KIF13A: variants seen among roughly 807,000 people sequenced by gnomAD.
KIF13A encodes kinesin-like protein KIF13A.
KIF13A carries 79 observed loss-of-function variants against 212.2 expected under a neutral mutation model. The ratio of observed to expected loss-of-function variants is 0.37; its 90% CI spans 0.31 to 0.45. The LOEUF is 0.45. Among genes scored for constraint, KIF13A ranks in the 20% least tolerant of loss-of-function variants. The probability of loss-of-function intolerance (pLI) is 1.00; values close to 1 mark genes in which losing one functional copy is unlikely to be tolerated. For missense variants in KIF13A, 1,901 were observed against 2,209.0 expected (o/e 0.86, Z 2.79); for synonymous variants, 789 against 808.6 (o/e 0.98, Z 0.41).
intron 3 of KIF13A, among the ~76,000 whole-genome samples, chr6:17,881,248 C>T (rs1269266938): frequency 6.6e-6 from 1 of 152,128 alleles, no homozygotes; most frequent in African/African-American, 2.4e-5. Flanking sequence ...AAAATGTTAG[C>T]TTTGCATTTT....
chr6:17,888,588 C>T lies in KIF13A; in HGVS notation c.159+9580G>A, dbSNP rs956967385. 2.0e-5 allele frequency among the ~76,000 whole-genome samples: 3 copies of T among 152,206 alleles called. No homozygotes were observed. The highest frequency in any genetic ancestry group is 7.2e-5 in the African/African-American group (3 of 41,450). On this transcript the variant is annotated intron_variant, in intron 3 of 38. Transcript: ENST00000259711. The surrounding 1 kb of genome is among the most constrained non-coding windows in gnomAD (Gnocchi z 4.8). ...CCTGTAATCCCAGCACTTTGGGAGGCCAAAGCGGGCAGATCACTTGAGGCC... is the reference window on the plus strand; with the variant it reads ...CCTGTAATCCCAGCACTTTGGGAGGTCAAAGCGGGCAGATCACTTGAGGCC...
At chr6:17,889,544 TTA>T (rs1218100902) in intron 3 of KIF13A, among the ~76,000 whole-genome samples, 3 of 152,224 alleles carry the variant, frequency 2.0e-5, no homozygotes, top group Non-Finnish European at 4.4e-5. Context: ...TTTCAGTTAT[TTA>T]TATGTTTTCC....
rs142101217 is a variant in KIF13A, at chr6:17,872,058, G to A, written c.220+1319C>T. On this transcript the variant is annotated intron_variant, in intron 4 of 38. Transcript: ENST00000259711. This position sits in a 1 kb window ranked among gnomAD's most constrained non-coding sequence, Gnocchi z 4.7. ...ACAAATTAATTACAACCAACATTAT[G>A]AACTACTTACTCACTTTAATAAAAT... Among the ~76,000 whole-genome samples, 1 of 152,206 alleles carries A rather than the reference G, an allele frequency of 6.6e-6. No individual in the cohort carries two copies. Among genetic ancestry groups the A allele is most frequent in the East Asian group, 1.9e-4 (1 of 5,176 alleles).
intron 18 of KIF13A, 47 bp from the exon 19 acceptor site, chr6:17,805,662 T>A (rs1450682838): frequency 5.2e-6 from 8 of 1,533,730 alleles, no homozygotes; most frequent in Non-Finnish European, 7.1e-6. Flanking sequence ...AACTCCTTTT[T>A]CGATTGCTAA....
rs1763255427 is a variant in KIF13A, at chr6:17,809,544, C to T, written c.2001-614G>A. ...CCATAGTTAGAACTTTTCATTTTTA[C>T]TCGTATAATTATTTGTTTAATATCT... is the stretch of plus-strand genomic sequence containing the variant. On this transcript the variant is annotated intron_variant, in intron 17 of 38. Coordinates refer to ENST00000259711, the MANE Select transcript of KIF13A (RefSeq NM_022113.6). The surrounding 1 kb of genome is among the most constrained non-coding windows in gnomAD (Gnocchi z 4.7). 6.6e-6 allele frequency among the ~76,000 whole-genome samples: 1 copy of T among 152,178 alleles called. No homozygotes were observed. Among genetic ancestry groups the T allele is most frequent in the Non-Finnish European group, 1.5e-5 (1 of 68,030 alleles).
intron 9 of KIF13A, among the ~76,000 whole-genome samples, chr6:17,845,234 C>T (rs1562047504): frequency 6.6e-6 from 1 of 152,138 alleles, no homozygotes. Context: ...CAATTAACTT[C>T]CATTGAGTCC....
intron 20 of KIF13A, among the ~76,000 whole-genome samples, chr6:17,802,924 T>TG (rs869077836): frequency 4.3e-5 from 2 of 46,362 alleles, no homozygotes; most frequent in Admixed American, 3.3e-4. Context: ...TTTTTTTGTG[T>TG]TTTTTTTGTT....
intron 9 of KIF13A, among the ~76,000 whole-genome samples, chr6:17,848,762 G>A (rs1767342970): frequency 6.6e-6 from 1 of 151,678 alleles, no homozygotes; most frequent in Non-Finnish European, 1.5e-5. Context: ...AGGGGGTAGA[G>A]ATGGGTACAA....
At position 17,984,752 on chromosome 6, in the gene KIF13A, T is replaced by A. The variant is rs1378348178; in HGVS notation, c.146+2302A>T. ...TCTCAATTTGACACAGGTTTGCCAA[T>A]ATGCATTTAAAGACCTCTTACACTT... On this transcript the variant is annotated intron_variant, in intron 2 of 38. Transcript: ENST00000259711. This position sits in a 1 kb window ranked among gnomAD's most constrained non-coding sequence, Gnocchi z 5.0. Among the ~76,000 whole-genome samples, 1 of 152,212 alleles carries A rather than the reference T, an allele frequency of 6.6e-6. No homozygotes were observed. Among genetic ancestry groups the A allele is most frequent in the Non-Finnish European group, 1.5e-5 (1 of 68,034 alleles).
intron 4 of KIF13A, among the ~76,000 whole-genome samples, chr6:17,869,892 G>A (rs1192993636): frequency 6.6e-6 from 1 of 152,080 alleles, no homozygotes; most frequent in Non-Finnish European, 1.5e-5. Flanking sequence ...ATTATTCATC[G>A]AGCCTGACAA....
intron 19 of KIF13A, among the ~76,000 whole-genome samples, chr6:17,805,086 G>T (rs1389705349): frequency 2.6e-5 from 4 of 151,976 alleles, no homozygotes; most frequent in Non-Finnish European, 2.9e-5. Flanking sequence ...CACAGCTAGG[G>T]GTGCGTGAAC....
At position 17,967,528 on chromosome 6, in the gene KIF13A, G is replaced by A. The variant is rs1237409491; in HGVS notation, c.146+19526C>T. Among the ~76,000 whole-genome samples the A allele has an allele frequency of 6.6e-6, 1 of 152,240 alleles. No individual in the cohort carries two copies. The highest frequency in any genetic ancestry group is 1.9e-4 in the East Asian group (1 of 5,204). On this transcript the variant is annotated intron_variant, in intron 2 of 38. Transcript: ENST00000259711. The surrounding 1 kb of genome is among the most constrained non-coding windows in gnomAD (Gnocchi z 4.1). ...TGGAAAACTAAACTTCTCTAGGGCAGAGAAAACTATCCGAAGTCTTTCTGG... is the reference window on the plus strand; with the variant it reads ...TGGAAAACTAAACTTCTCTAGGGCAAAGAAAACTATCCGAAGTCTTTCTGG...
Position 17,873,431 on chromosome 6 carries a change from C to T in KIF13A, c.166G>A (p.Ala56Thr), listed in dbSNP as rs376963344. ...QGERKPPKVF[A>T]FDYCFWSMDE... ...ATGGACCAAAAGCAATAATCAAAGG[C>T]AAATACCTGAATGAAAGAACAAAAT... The change falls in exon 4 of 39, where the codon GCC becomes ACC. Residue 56 changes from alanine (A) to threonine (T), a missense_variant. Transcript: ENST00000259711. 2 of 1,580,842 alleles carry T rather than the reference C, an allele frequency of 1.3e-6. No individual in the cohort carries two copies. The highest frequency in any genetic ancestry group is 1.7e-6 in the Non-Finnish European group (2 of 1,161,108).
chr6:17,874,993 G>GCACATGCA (rs1224756285), intron 3 of KIF13A, among the ~76,000 whole-genome samples: 5 of 51,434 alleles, frequency 9.7e-5, no homozygotes, highest in East Asian at 6.5e-4. Flanking sequence ...ACACACACAC[G>GCACATGCA]CACACGCACG....
chr6:17,863,843 C>A (rs781685278), intron 4 of KIF13A, among the ~76,000 whole-genome samples: 2 of 152,052 alleles, frequency 1.3e-5, no homozygotes, highest in African/African-American at 4.8e-5. Context: ...TTTTTAAACA[C>A]AACAGTCCCT....
Position 17,772,108 on chromosome 6 carries a change from C to A in KIF13A, c.4325-49G>T. ...GGTTACAGATGCTGAACACTTTAAGCAAAACATAGGAACTGAGACAATGAC... is the reference window on the plus strand; with the variant it reads ...GGTTACAGATGCTGAACACTTTAAGAAAAACATAGGAACTGAGACAATGAC... On this transcript the variant is annotated intron_variant, in intron 36 of 38. Transcript: ENST00000259711. This position sits in a 1 kb window ranked among gnomAD's most constrained non-coding sequence, Gnocchi z 4.8. 6.4e-7 allele frequency: 1 copy of A among 1,557,032 alleles called. No individual in the cohort carries two copies. The highest frequency in any genetic ancestry group is 2.2e-5 in the East Asian group (1 of 44,568).
chr6:17,851,043 T>G (rs961418512), intron 7 of KIF13A, among the ~76,000 whole-genome samples: 2 of 152,126 alleles, frequency 1.3e-5, no homozygotes, highest in Non-Finnish European at 1.5e-5. Flanking sequence ...GGGATGCAAA[T>G]AGAGCACCCT....
rs563323308 is a variant in KIF13A at position 17,967,475 on chromosome 6, A to G, written c.146+19579T>C. 6.6e-6 allele frequency among the ~76,000 whole-genome samples: 1 copy of G among 152,354 alleles called. No individual in the cohort carries two copies. The highest frequency in any genetic ancestry group is 6.5e-5 in the Admixed American group (1 of 15,300). ...GTTCTTATGAATAAAGAAAGAGAGA[A>G]CTCATCTTATGCTCAATCACTCAAG... is the stretch of plus-strand genomic sequence containing the variant. On this transcript the variant is annotated intron_variant, in intron 2 of 38. Coordinates refer to ENST00000259711, the MANE Select transcript of KIF13A (RefSeq NM_022113.6). The surrounding 1 kb of genome is among the most constrained non-coding windows in gnomAD (Gnocchi z 4.1).
At position 17,898,076 on chromosome 6, in the gene KIF13A, T is replaced by A. The variant is rs886505176; in HGVS notation, c.159+92A>T. 2 of 1,189,236 alleles carry A rather than the reference T, an allele frequency of 1.7e-6. No individual in the cohort carries two copies. Among genetic ancestry groups the A allele is most frequent in the African/African-American group, 3.1e-5 (2 of 65,194 alleles). The allele number at this position is 1,189,236 out of a possible 1,614,324, so 73.7% of individuals were successfully genotyped here. A position where few individuals can be genotyped will look rare whatever the true frequency, so the allele number is the denominator to read the frequency against. ...TTAGGATGCTGTTTTCAGTTCTCAA[T>A]GAGACAGATGTTCTACATGGGTTAC... On this transcript the variant is annotated intron_variant, in intron 3 of 38. Transcript: ENST00000259711. The surrounding 1 kb of genome is among the most constrained non-coding windows in gnomAD (Gnocchi z 5.2).
Sources: allele counts gnomAD v4.1 joint callset (sites outside exome capture counted in the v4.1 genomes callset), GRCh38; gene constraint gnomAD v4.1.1; non-coding constraint Gnocchi (gnomAD v3.1); transcripts MANE v1.5; gene names NCBI Gene and HGNC (gene_info 2026-07-23, HGNC 2026-07-21).